The following IMMP2L variants were observed in gnomAD, a reference collection of about 807,000 sequenced individuals.
The protein encoded by IMMP2L is inner mitochondrial membrane peptidase subunit 2.
In IMMP2L, 18 loss-of-function variants were observed where a neutral mutation model predicts 19.3. That is an observed-to-expected ratio of 0.93 (90% confidence interval 0.64 to 1.38). IMMP2L has a LOEUF of 1.38. Ranked by LOEUF, IMMP2L falls within the 40% of genes most tolerant of loss-of-function variation. The pLI is 0.00. For missense variants in IMMP2L, 233 were observed against 218.2 expected (o/e 1.07, Z -0.43); for synonymous variants, 76 against 73.0 (o/e 1.04, Z -0.21).
chr7:111,466,683 C>A (rs1319714773), intron 3 of IMMP2L, among the ~76,000 whole-genome samples: 2 of 152,070 alleles, frequency 1.3e-5, no homozygotes, highest in African/African-American at 4.8e-5. Context: ...AATAAGAGTA[C>A]AGTAGGCCAT....
In IMMP2L at chr7:110,988,363, A is replaced by G. The variant is rs6950858; in HGVS notation, c.240-24798T>C. On this transcript the variant is annotated intron_variant, in intron 3 of 5. Coordinates refer to ENST00000405709, the MANE Select transcript of IMMP2L (RefSeq NM_032549.4). ...CCCAGTCAGTAGGAAAGAAACAGAT[A>G]GTAGAGGTTCAAGCATGGGAAATAT... Among the ~76,000 whole-genome samples the G allele has an allele frequency of 3.9e-3, 594 of 152,298 alleles. 2 individuals are homozygous for G. Among genetic ancestry groups the G allele is most frequent in the African/African-American group, 0.014 (573 of 41,568 alleles).
chr7:111,480,156 T>A (rs534669669), intron 3 of IMMP2L, among the ~76,000 whole-genome samples: 2 of 151,356 alleles, frequency 1.3e-5, no homozygotes, highest in Admixed American at 6.6e-5. Context: ...CAATCTCGGC[T>A]CACTGCAAGC....
chr7:110,846,528 G>A (rs1486134102), intron 5 of IMMP2L, among the ~76,000 whole-genome samples: 1 of 151,734 alleles, frequency 6.6e-6, no homozygotes, highest in African/African-American at 2.4e-5. Flanking sequence ...ACCACGCCTG[G>A]CTAATTTTTG....
intron 3 of IMMP2L, among the ~76,000 whole-genome samples, chr7:111,017,788 A>G (rs1294063064): frequency 6.6e-6 from 1 of 152,174 alleles, no homozygotes; most frequent in Non-Finnish European, 1.5e-5. Context: ...AGTCTCCTAA[A>G]AGGCAGATGA....
intron 5 of IMMP2L, among the ~76,000 whole-genome samples, chr7:110,734,115 G>A (rs559563917): frequency 7.2e-5 from 11 of 152,280 alleles, no homozygotes; most frequent in Admixed American, 4.6e-4. Context: ...GTAGAAGCTG[G>A]AAGAATTTTA....
intron 1 of IMMP2L, among the ~76,000 whole-genome samples, chr7:111,535,329 G>A (rs1171421456): frequency 6.6e-6 from 1 of 151,742 alleles, no homozygotes; most frequent in Non-Finnish European, 1.5e-5. Context: ...AGGGAGGGAA[G>A]GAAAGAAAGA....
At chr7:111,194,919 A>T (rs1809309363) in intron 3 of IMMP2L, among the ~76,000 whole-genome samples, 1 of 152,168 alleles carries the variant, frequency 6.6e-6, no homozygotes, top group African/African-American at 2.4e-5. Context: ...ATACTTATGC[A>T]AAAATATTAC....
chr7:110,828,088 A>G (rs2131370374), intron 5 of IMMP2L, among the ~76,000 whole-genome samples: 1 of 152,258 alleles, frequency 6.6e-6, no homozygotes, highest in Non-Finnish European at 1.5e-5. Context: ...CCTCTAAGCC[A>G]GAGGTCAGCA....
intron 3 of IMMP2L, among the ~76,000 whole-genome samples, chr7:111,029,348 C>T (rs977262258): frequency 2.6e-5 from 4 of 152,118 alleles, no homozygotes; most frequent in African/African-American, 9.7e-5. Context: ...TTTCAAAGTG[C>T]TCTTGTGGGT....
chr7:111,499,809 A>T (rs772343354), intron 2 of IMMP2L, among the ~76,000 whole-genome samples: 8 of 152,012 alleles, frequency 5.3e-5, no homozygotes, highest in Non-Finnish European at 1.5e-5. Context: ...GCTCTTTTTT[A>T]AAAAGGAGGC....
intron 3 of IMMP2L, among the ~76,000 whole-genome samples, chr7:111,029,356 G>T (rs925665835): frequency 6.6e-6 from 1 of 152,148 alleles, no homozygotes; most frequent in East Asian, 1.9e-4. Flanking sequence ...TGCTCTTGTG[G>T]GTGGTTGGGC....
intron 3 of IMMP2L, among the ~76,000 whole-genome samples, chr7:111,056,595 T>C (rs561643123): frequency 6.6e-6 from 1 of 152,350 alleles, no homozygotes; most frequent in Admixed American, 6.5e-5. Flanking sequence ...GAAATCCATG[T>C]ATAACTTTTG....
In IMMP2L at chr7:110,870,299, A is replaced by T. The variant is rs142726070; in HGVS notation, c.408+16294T>A. ...TGTCCTTCTTGTATACTTTCCACTG[A>T]CTTCTTATTTCTGAACCAGAAGGCA... On this transcript the variant is annotated intron_variant, in intron 5 of 5. Coordinates refer to ENST00000405709, the MANE Select transcript of IMMP2L (RefSeq NM_032549.4). The surrounding 1 kb of genome is among the most constrained non-coding windows in gnomAD (Gnocchi z 4.2). Among the ~76,000 whole-genome samples, 236 of 152,040 alleles carry T rather than the reference A, an allele frequency of 1.6e-3. 4 individuals are homozygous for T. The highest frequency in any genetic ancestry group is 5.4e-3 in the African/African-American group (223 of 41,492).
At chr7:111,390,883 T>C (rs565931639) in intron 3 of IMMP2L, 1 of 152,222 alleles carries the variant, frequency 6.6e-6, no homozygotes, top group South Asian at 2.1e-4. Flanking sequence ...GCAGACACAT[T>C]AACACGTAAC....
In IMMP2L at chr7:110,757,468, T is replaced by C. The variant is rs1030460896; in HGVS notation, c.409-93747A>G. 2.0e-5 allele frequency among the ~76,000 whole-genome samples: 3 copies of C among 152,088 alleles called. No individual in the cohort carries two copies. Among genetic ancestry groups the C allele is most frequent in the Admixed American group, 6.6e-5 (1 of 15,242 alleles). ...GGATCACCAGATACGCTCTCCACATTTCTCTTGAACTCTTTGTCCCAGGAG... is the reference window on the plus strand; with the variant it reads ...GGATCACCAGATACGCTCTCCACATCTCTCTTGAACTCTTTGTCCCAGGAG... On this transcript the variant is annotated intron_variant, in intron 5 of 5. Transcript: ENST00000405709. This position sits in a 1 kb window ranked among gnomAD's most constrained non-coding sequence, Gnocchi z 4.2.
intron 3 of IMMP2L, among the ~76,000 whole-genome samples, chr7:111,460,300 A>G (rs1383744491): frequency 1.3e-5 from 2 of 152,172 alleles, no homozygotes; most frequent in African/African-American, 4.8e-5. Flanking sequence ...GATAAGGAAT[A>G]TTTCTTTCAC....
chr7:110,818,568 G>A (rs1225548790), intron 5 of IMMP2L, among the ~76,000 whole-genome samples: 44 of 152,222 alleles, frequency 2.9e-4, no homozygotes, highest in African/African-American at 1.0e-3. Flanking sequence ...ATTCCTCAGG[G>A]ATCTAGAACT....
At chr7:111,522,926 C>CACATATATAT (rs1554534705) in intron 1 of IMMP2L, among the ~76,000 whole-genome samples, 3 of 134,868 alleles carry the variant, frequency 2.2e-5, no homozygotes, top group African/African-American at 9.5e-5. Flanking sequence ...ATGTGAGATA[C>CACATATATAT]ATATATATAT....
intron 5 of IMMP2L, among the ~76,000 whole-genome samples, chr7:110,766,007 C>T (rs2130994479): frequency 6.6e-6 from 1 of 152,194 alleles, no homozygotes; most frequent in Non-Finnish European, 1.5e-5. Flanking sequence ...TTCAGGACCA[C>T]ATATAGCATG....
Sources: gnomAD v4.1 joint callset for allele counts (sites outside exome capture counted in the v4.1 genomes callset) on GRCh38, gnomAD v4.1.1 for gene constraint, Gnocchi (gnomAD v3.1) non-coding constraint, MANE v1.5 for transcripts, NCBI Gene and HGNC (gene_info 2026-07-23, HGNC 2026-07-21) for gene names.